RDH10: variants seen among roughly 807,000 people sequenced by gnomAD.
RDH10 encodes the protein retinol dehydrogenase 10 (all-trans).
In RDH10, 12 loss-of-function variants were observed where a neutral mutation model predicts 30.2. The observed-to-expected ratio is 0.40, with a 90% CI of 0.25 to 0.64. RDH10 has a LOEUF of 0.64. Ranked by LOEUF, RDH10 falls within the 30% of genes least tolerant of loss-of-function variation. RDH10 has a pLI of 0.43. For missense variants in RDH10, 268 were observed against 445.2 expected (o/e 0.60, Z 3.58); for synonymous variants, 189 against 172.2 (o/e 1.10, Z -0.76).
chr8:73,315,923 G>A (rs1814654366), intron 2 of RDH10, among the ~76,000 whole-genome samples: 1 of 152,142 alleles, frequency 6.6e-6, no homozygotes, highest in South Asian at 2.1e-4. Context: ...TCTGGTTAAC[G>A]TCAATAATAT....
At chr8:73,310,235 G>A (rs1814540213) in intron 2 of RDH10, among the ~76,000 whole-genome samples, 1 of 152,130 alleles carries the variant, frequency 6.6e-6, no homozygotes, top group African/African-American at 2.4e-5. Flanking sequence ...GTACCTCATA[G>A]ACCCTCATAT....
Position 73,320,963 on chromosome 8 carries a change from G to T in RDH10, c.656G>T (p.Gly219Val). ...DYCASKFGVV[G>V]FHESLSHELK... is the part of the protein sequence containing the mutation. The stretch of plus-strand genomic sequence containing the variant: ...TGTGCCAGTAAATTTGGAGTTGTGG[G>T]TTTTCATGAATCCCTGAGCCATGAA... Residue 219 changes from glycine to valine, a missense_variant, in exon 4 of 6, where the codon GGT (glycine) becomes GTT (valine). Gly to Val is a moderately radical substitution (Grantham distance 109). Around this residue, in one of 4 missense-constraint regions of RDH10, gnomAD observed 136 missense variants for 288.8 expected, o/e 0.47. Coordinates refer to ENST00000240285, the MANE Select transcript of RDH10 (RefSeq NM_172037.5). The T allele has an allele frequency of 6.2e-7, 1 of 1,614,080 alleles. No individual in the cohort carries two copies. The highest frequency in any genetic ancestry group is 8.5e-7 in the Non-Finnish European group (1 of 1,179,998).
At position 73,295,794 on chromosome 8, in the gene RDH10, G is replaced by T. The variant is rs911147774; in HGVS notation, c.289+216G>T. 1.0e-5 allele frequency: 11 copies of T among 1,096,084 alleles called. No individual in the cohort carries two copies. In the African/African-American group the frequency reaches 1.2e-4, roughly 12 times the overall value. The allele number at this position is 1,096,084 out of a possible 1,614,324, so 67.9% of individuals were successfully genotyped here. A position where few individuals can be genotyped will look rare whatever the true frequency, so the allele number is the denominator to read the frequency against. ...GAGAAGGTGCCCTGTCCTCGCGGAG[G>T]TTCGGTCTCTGGGGACCACGGCGGG... On this transcript the variant is annotated intron_variant, in intron 1 of 5. Transcript: ENST00000240285.
intron 2 of RDH10, chr8:73,313,372 G>T (rs1258031372): frequency 6.6e-6 from 1 of 152,178 alleles, no homozygotes; most frequent in East Asian, 1.9e-4. Flanking sequence ...AAAGTGCCCA[G>T]TGCTTTGAAG....
chr8:73,295,803 C>T (rs1196763882), intron 1 of RDH10: 1 of 1,157,402 alleles, frequency 8.6e-7, no homozygotes, highest in Non-Finnish European at 1.1e-6. Context: ...GGTTCGGTCT[C>T]TGGGGACCAC....
intron 2 of RDH10, among the ~76,000 whole-genome samples, chr8:73,299,110 G>A (rs953392433): frequency 8.5e-5 from 13 of 152,214 alleles, no homozygotes; most frequent in African/African-American, 2.6e-4. Flanking sequence ...CACTGCACCC[G>A]GCCAACATGA....
chr8:73,323,246 G>T lies in RDH10; in HGVS notation c.*210G>T. On this transcript the variant is annotated 3_prime_UTR_variant, in exon 6 of 6. Transcript: ENST00000240285. ...AGTGAACTTAGGTTGTTGCCAACAG[G>T]GTCCTTTTAGGCAGAACCCAGAAAC... is the stretch of plus-strand genomic sequence containing the variant. 2.3e-6 allele frequency: 1 copy of T among 434,474 alleles called. No individual in the cohort carries two copies. The highest frequency in any genetic ancestry group is 4.2e-6 in the Non-Finnish European group (1 of 236,226). The allele number at this position is 434,474 out of a possible 1,614,324, so 26.9% of individuals were successfully genotyped here. A position where few individuals can be genotyped will look rare whatever the true frequency, so the allele number is the denominator to read the frequency against.
chr8:73,306,787 T>C (rs1814472479), intron 2 of RDH10, among the ~76,000 whole-genome samples: 1 of 152,232 alleles, frequency 6.6e-6, no homozygotes, highest in South Asian at 2.1e-4. Flanking sequence ...AAATGTGAAT[T>C]TCTTGCCTTT....
At position 73,324,836 on chromosome 8, in the gene RDH10, CTG is replaced by C. The variant is rs1344557867; in HGVS notation, c.*1804_*1805del. ...GGCTGCACCACAGATCAAATCTGCA[CTG>C]TGTCTACATATAGGAAAGGTCCTGG... On this transcript the variant is annotated 3_prime_UTR_variant, in exon 6 of 6. Transcript: ENST00000240285. The C allele has an allele frequency of 1.3e-5, 2 of 152,224 alleles. No individual in the cohort carries two copies. The highest frequency in any genetic ancestry group is 6.5e-5 in the Admixed American group (1 of 15,282). 9.4% of individuals were successfully genotyped at this position (152,224 alleles called of 1,614,324 possible).
rs148120596 is a variant in RDH10 at position 73,321,184 on chromosome 8, G to A, written c.770+107G>A. On this transcript the variant is annotated intron_variant, in intron 4 of 5. Coordinates refer to ENST00000240285, the MANE Select transcript of RDH10 (RefSeq NM_172037.5). ...TATTTTAACTATCATTTGACAATCT[G>A]TGGCTTTTATTGGTCAAGATTTGTA... 2.1e-4 allele frequency: 226 copies of A among 1,095,150 alleles called. 1 individual carries two copies. The East Asian group carries it at 5.2e-3, about 25-fold the overall frequency. The allele number at this position is 1,095,150 out of a possible 1,614,324, so 67.8% of individuals were successfully genotyped here.
chr8:73,298,784 C>T (rs1469300569), intron 2 of RDH10, among the ~76,000 whole-genome samples: 1 of 152,026 alleles, frequency 6.6e-6, no homozygotes, highest in Non-Finnish European at 1.5e-5. Context: ...CACCTCAGCC[C>T]CCAAAGTGCT....
Position 73,323,106 on chromosome 8 carries a change from C to T in RDH10, c.*70C>T. 1 of 1,179,658 alleles carries T rather than the reference C, an allele frequency of 8.5e-7. No homozygotes were observed. The highest frequency in any genetic ancestry group is 1.3e-6 in the Non-Finnish European group (1 of 799,242). The allele number at this position is 1,179,658 out of a possible 1,614,324, so 73.1% of individuals were successfully genotyped here. On this transcript the variant is annotated 3_prime_UTR_variant, in exon 6 of 6. Transcript: ENST00000240285. ...GATGTTTCAGTCCAGTGCACATCAG[C>T]ATTGCTGACATTTTATGGATTCTAA...
chr8:73,296,983 T>C (rs746293573), intron 1 of RDH10: 6 of 535,364 alleles, frequency 1.1e-5, no homozygotes, highest in Non-Finnish European at 2.0e-5. Context: ...AGCAAAGTTA[T>C]CCAGTAAATT....
intron 2 of RDH10, among the ~76,000 whole-genome samples, chr8:73,317,595 C>T (rs540793841): frequency 1.3e-5 from 2 of 152,196 alleles, no homozygotes; most frequent in Admixed American, 6.5e-5. Context: ...AAGGGAATTG[C>T]TGTTTTCAAT....
chr8:73,297,687 C>G, intron 2 of RDH10: 2 of 354,442 alleles, frequency 5.6e-6, no homozygotes, highest in Non-Finnish European at 1.0e-5. Flanking sequence ...GAAAGATTGC[C>G]ATAAAAATAA....
chr8:73,322,979 C>T lies in RDH10; in HGVS notation c.969C>T (p.Pro323=). The T allele has an allele frequency of 6.2e-7, 1 of 1,613,722 alleles. No individual in the cohort carries two copies. Among genetic ancestry groups the T allele is most frequent in the Non-Finnish European group, 8.5e-7 (1 of 1,179,666 alleles). The change falls in exon 6 of 6, where the codon CCC becomes CCT. Residue 323 remains proline (P), a synonymous_variant. Coordinates refer to ENST00000240285, the MANE Select transcript of RDH10 (RefSeq NM_172037.5). ...RFLGADKCMY[P]FIAQRKQATN... ...TAGGAGCGGACAAGTGTATGTACCCCTTTATTGCTCAAAGAAAGCAAGCCA... is the reference window on the plus strand; with the variant it reads ...TAGGAGCGGACAAGTGTATGTACCCTTTTATTGCTCAAAGAAAGCAAGCCA...
chr8:73,303,463 T>G (rs1309183243), intron 2 of RDH10, among the ~76,000 whole-genome samples: 1 of 152,210 alleles, frequency 6.6e-6, no homozygotes, highest in African/African-American at 2.4e-5. Context: ...GACTAATTAG[T>G]TTATAGAGAA....
intron 2 of RDH10, among the ~76,000 whole-genome samples, chr8:73,301,039 A>ATTTTTTTTTTTTTTTT (rs1563547188): frequency 2.0e-5 from 2 of 98,800 alleles, no homozygotes; most frequent in African/African-American, 7.9e-5. Context: ...ACAAAACTCT[A>ATTTTTTTTTTTTTTTT]TTCTTTTTTT....
At chr8:73,304,488 A>G (rs1050025515) in intron 2 of RDH10, among the ~76,000 whole-genome samples, 6 of 152,176 alleles carry the variant, frequency 3.9e-5, no homozygotes, top group Admixed American at 3.9e-4. Context: ...TGAGTTTGTT[A>G]TCTGCCTGCT....
Sources: gnomAD v4.1 joint callset for allele counts (sites outside exome capture counted in the v4.1 genomes callset) on GRCh38, gnomAD v4.1.1 for gene constraint, gnomAD v4.1.1 regional missense constraint, MANE v1.5 for transcripts, NCBI Gene and HGNC (gene_info 2026-07-23, HGNC 2026-07-21) for gene names.